Variants in PDE7A observed in about 807,000 individuals in gnomAD.
PDE7A encodes high affinity 3',5'-cyclic-AMP phosphodiesterase 7A.
A neutral mutation model predicts 64.3 loss-of-function variants in PDE7A; 39 were observed. The ratio of observed to expected loss-of-function variants is 0.61; its 90% CI spans 0.47 to 0.79. The LOEUF (loss-of-function observed/expected upper bound fraction) is 0.79. PDE7A is among the 30% of genes least tolerant of loss of function. PDE7A has a pLI of 0.00. For missense variants in PDE7A, 470 were observed against 582.8 expected (o/e 0.81, Z 1.99); for synonymous variants, 203 against 206.8 (o/e 0.98, Z 0.16).
chr8:65,784,668 C>A (rs1045849765), intron 1 of PDE7A, among the ~76,000 whole-genome samples: 1 of 151,616 alleles, frequency 6.6e-6, no homozygotes. Context: ...AACTTCAAAC[C>A]CAGAAAAGTG....
At chr8:65,739,819 C>G (rs146313424) in intron 5 of PDE7A, among the ~76,000 whole-genome samples, 20 of 152,164 alleles carry the variant, frequency 1.3e-4, no homozygotes, top group African/African-American at 4.8e-4. Flanking sequence ...TTTTCCACAA[C>G]CAAAGAACTG....
intron 1 of PDE7A, among the ~76,000 whole-genome samples, chr8:65,789,458 T>C (rs1167297926): frequency 1.3e-5 from 2 of 152,258 alleles, no homozygotes; most frequent in Non-Finnish European, 2.9e-5. Flanking sequence ...TAATTGAAAT[T>C]TGTTCAACTT....
chr8:65,780,423 C>T (rs1266601218), intron 2 of PDE7A, among the ~76,000 whole-genome samples: 2 of 152,136 alleles, frequency 1.3e-5, no homozygotes, highest in African/African-American at 4.8e-5. Flanking sequence ...ACATCCAAGG[C>T]CTTTAGCTGA....
At chr8:65,743,245 CTGA>C (rs1222569471) in intron 5 of PDE7A, among the ~76,000 whole-genome samples, 1 of 152,080 alleles carries the variant, frequency 6.6e-6, no homozygotes, top group African/African-American at 2.4e-5. Context: ...GGGAATTTCC[CTGA>C]GCAAGAAGAA....
At chr8:65,794,840 C>T (rs1396295934) in intron 1 of PDE7A, among the ~76,000 whole-genome samples, 3 of 152,154 alleles carry the variant, frequency 2.0e-5, no homozygotes, top group African/African-American at 4.8e-5. Flanking sequence ...CAAGTAATTA[C>T]AATTACATGT....
intron 5 of PDE7A, among the ~76,000 whole-genome samples, chr8:65,740,796 T>C (rs1807391474): frequency 1.3e-5 from 2 of 151,470 alleles, no homozygotes; most frequent in Non-Finnish European, 2.9e-5. Context: ...ACCCCACCAA[T>C]CTCTCTCTCT....
intron 1 of PDE7A, among the ~76,000 whole-genome samples, chr8:65,824,689 G>A (rs1410843610): frequency 1.3e-5 from 2 of 152,176 alleles, no homozygotes; most frequent in Non-Finnish European, 2.9e-5. Context: ...ACTTGATGAA[G>A]GCTCAGAAGA....
At chr8:65,747,502 A>T in intron 4 of PDE7A, 150 bp downstream of exon 4, 1 of 460,332 alleles carries the variant, frequency 2.2e-6, no homozygotes, top group Non-Finnish European at 3.8e-6. Context: ...TAAAACAAAC[A>T]GCTGCTCTAA....
intron 6 of PDE7A, among the ~76,000 whole-genome samples, chr8:65,735,812 A>G (rs1181934769): frequency 6.6e-6 from 1 of 151,958 alleles, no homozygotes; most frequent in Admixed American, 6.6e-5. Flanking sequence ...TTTTGTCACA[A>G]TGGGGTTTCA....
At chr8:65,817,400 C>T (rs1305670341) in intron 1 of PDE7A, among the ~76,000 whole-genome samples, 9 of 151,876 alleles carry the variant, frequency 5.9e-5, no homozygotes, top group East Asian at 1.9e-4. Flanking sequence ...AACCATGGTA[C>T]GTTTATCAGA....
chr8:65,809,144 T>C (rs932031440), intron 1 of PDE7A, among the ~76,000 whole-genome samples: 5 of 152,188 alleles, frequency 3.3e-5, no homozygotes, highest in Admixed American at 6.5e-5. Flanking sequence ...ATCTTCTCAT[T>C]TGTTAAATGG....
intron 3 of PDE7A, among the ~76,000 whole-genome samples, chr8:65,778,127 G>A (rs777700426): frequency 6.6e-6 from 1 of 152,182 alleles, no homozygotes; most frequent in South Asian, 2.1e-4. Flanking sequence ...AGAGGGCTGT[G>A]TCTTCCCTCC....
intron 3 of PDE7A, among the ~76,000 whole-genome samples, chr8:65,776,678 ATTATG>A (rs1347448974): frequency 2.0e-5 from 3 of 152,210 alleles, no homozygotes; most frequent in African/African-American, 7.2e-5. Context: ...CAAATTATAT[ATTATG>A]TTAATTTTGT....
At chr8:65,728,838 A>G (rs1241892978) in intron 7 of PDE7A, among the ~76,000 whole-genome samples, 1 of 152,246 alleles carries the variant, frequency 6.6e-6, no homozygotes, top group East Asian at 1.9e-4. Flanking sequence ...ATGACTGCAC[A>G]TGACATCAAA....
intron 3 of PDE7A, among the ~76,000 whole-genome samples, chr8:65,753,085 T>C (rs1808044473): frequency 6.6e-6 from 1 of 152,246 alleles, no homozygotes; most frequent in Non-Finnish European, 1.5e-5. Flanking sequence ...TTTTGAGTGG[T>C]AGGAAATTTA....
At chr8:65,739,082 G>A (rs1328567201) in intron 6 of PDE7A, among the ~76,000 whole-genome samples, 2 of 152,170 alleles carry the variant, frequency 1.3e-5, no homozygotes, top group Non-Finnish European at 1.5e-5. Context: ...CAGCTCTCTC[G>A]GAAACCTGCC....
chr8:65,839,958 T>G (rs146841484), intron 1 of PDE7A, among the ~76,000 whole-genome samples: 7 of 152,332 alleles, frequency 4.6e-5, no homozygotes, highest in African/African-American at 1.7e-4. Flanking sequence ...GAGTTGCTAG[T>G]CATGTGCCTG....
At position 65,724,797 on chromosome 8, in the gene PDE7A, G is replaced by T. The variant is rs1357969065; in HGVS notation, c.1045C>A (p.His349Asn). 1.2e-6 allele frequency: 2 copies of T among 1,608,216 alleles called. No homozygotes were observed. The highest frequency in any genetic ancestry group is 2.2e-5 in the South Asian group (2 of 90,036). ...TTTACCTGTAAAACCAAATGTCTGT[G>T]TCTGGTGTCTTCTAGGCATAAATCA... ...RGDLCLEDTRHRHLVLQMALK... is the reference protein window; with the variant it reads ...RGDLCLEDTRNRHLVLQMALK... Residue 349 changes from histidine to asparagine, a missense_variant, in exon 10 of 13, where the codon CAC becomes AAC. Transcript: ENST00000401827.
At chr8:65,785,284 T>C (rs747469970) in intron 1 of PDE7A, among the ~76,000 whole-genome samples, 3 of 152,192 alleles carry the variant, frequency 2.0e-5, no homozygotes, top group Non-Finnish European at 2.9e-5. Flanking sequence ...ATGTTTATCT[T>C]TGCACTTTTT....
Sources: gnomAD v4.1 joint callset for allele counts (sites outside exome capture counted in the v4.1 genomes callset) on GRCh38, gnomAD v4.1.1 for gene constraint, MANE v1.5 for transcripts, NCBI Gene and HGNC (gene_info 2026-07-23, HGNC 2026-07-21) for gene names.